TENM2: variants seen among roughly 807,000 people sequenced by gnomAD.
TENM2 encodes teneurin-2.
Under a neutral mutation model 245.2 loss-of-function variants are expected in TENM2, and 52 were observed. That is an observed-to-expected ratio of 0.21 (90% CI 0.17 to 0.27). TENM2 has a LOEUF of 0.27. TENM2 is among the 10% of genes least tolerant of loss of function. The pLI is 1.00. For missense variants in TENM2, 3,046 were observed against 3,666.8 expected (o/e 0.83, Z 4.37); for synonymous variants, 1,363 against 1,438.9 (o/e 0.95, Z 1.19).
At chr5:167,819,338 A>G (rs1286139731) in intron 2 of TENM2, among the ~76,000 whole-genome samples, 2 of 152,220 alleles carry the variant, frequency 1.3e-5, no homozygotes, top group African/African-American at 4.8e-5. Flanking sequence ...CACTTAAAAA[A>G]GAAAAAGAAA....
intron 5 of TENM2, among the ~76,000 whole-genome samples, chr5:168,001,476 G>A (rs990019739): frequency 3.3e-5 from 5 of 152,216 alleles, no homozygotes; most frequent in African/African-American, 4.8e-5. Flanking sequence ...TGTAAATGAG[G>A]ATGTACTAAG....
At chr5:167,012,717 C>A in the TENM2 span, among the ~76,000 whole-genome samples, 678 of 152,248 alleles carry the variant, frequency 4.5e-3, 8 homozygotes, top group African/African-American at 0.015. Flanking sequence ...GCTCCTCTTA[C>A]AAATTTGTGC....
intron 2 of TENM2, among the ~76,000 whole-genome samples, chr5:167,517,778 A>T (rs1444660601): frequency 6.6e-6 from 1 of 152,174 alleles, no homozygotes; most frequent in Admixed American, 6.5e-5. Flanking sequence ...GGCTGATACC[A>T]TTCAACCTAG....
At chr5:167,733,448 A>G (rs1760578676) in intron 2 of TENM2, among the ~76,000 whole-genome samples, 1 of 152,180 alleles carries the variant, frequency 6.6e-6, no homozygotes, top group African/African-American at 2.4e-5. Context: ...AAATACTAAC[A>G]ACTGGCTCCC....
chr5:168,236,041 A>G (rs569385295), intron 25 of TENM2, among the ~76,000 whole-genome samples: 1 of 152,286 alleles, frequency 6.6e-6, no homozygotes, highest in South Asian at 2.1e-4. Context: ...TGTATCCTGA[A>G]CAGAAGGAGA....
At chr5:167,063,437 A>G in the TENM2 span, among the ~76,000 whole-genome samples, 4 of 152,162 alleles carry the variant, frequency 2.6e-5, no homozygotes, top group African/African-American at 9.7e-5. Context: ...GGAGATTCCT[A>G]TTTAGTAGAC....
chr5:167,508,011 C>T (rs1195336528), intron 2 of TENM2, among the ~76,000 whole-genome samples: 2 of 152,026 alleles, frequency 1.3e-5, no homozygotes, highest in African/African-American at 4.8e-5. Context: ...CTCTGTGACT[C>T]AGCAGATAAA....
Position 167,804,745 on chromosome 5 carries a change from T to C in TENM2, c.503-71241T>C, listed in dbSNP as rs142186968. ...TTTATAACATCTCTAAACAAATGAATCACGGCATGGCGATCAAGGGACAGC... is the reference window on the plus strand; with the variant it reads ...TTTATAACATCTCTAAACAAATGAACCACGGCATGGCGATCAAGGGACAGC... On this transcript the variant is annotated intron_variant, in intron 2 of 28. Transcript: ENST00000518659. Among the ~76,000 whole-genome samples the C allele has an allele frequency of 1.0e-3, 157 of 152,150 alleles. No individual in the cohort carries two copies. In the East Asian group the frequency reaches 0.027, roughly 26 times the overall value.
chr5:167,078,674 C>A, the TENM2 span, among the ~76,000 whole-genome samples: 2 of 152,112 alleles, frequency 1.3e-5, no homozygotes, highest in Non-Finnish European at 2.9e-5. Context: ...GCTCCTCTGG[C>A]AAATAGAGTT....
intron 10 of TENM2, 33 bp downstream of exon 12, chr5:168,118,519 T>A: frequency 6.8e-7 from 1 of 1,465,754 alleles, no homozygotes; most frequent in Non-Finnish European, 9.2e-7. Flanking sequence ...TAGGCAGCAG[T>A]GGAGGGAGGC....
At chr5:167,654,479 A>G (rs759641301) in intron 2 of TENM2, among the ~76,000 whole-genome samples, 5 of 152,034 alleles carry the variant, frequency 3.3e-5, no homozygotes, top group Non-Finnish European at 5.9e-5. Context: ...TGGAGTAACT[A>G]CTCAATACGT....
chr5:167,247,094 T>C, the TENM2 span, among the ~76,000 whole-genome samples: 1 of 152,176 alleles, frequency 6.6e-6, no homozygotes, highest in Non-Finnish European at 1.5e-5. Flanking sequence ...TATTACATAT[T>C]AGGCTGCATG....
At chr5:167,174,380 G>A in the TENM2 span, among the ~76,000 whole-genome samples, 3 of 151,964 alleles carry the variant, frequency 2.0e-5, no homozygotes, top group Non-Finnish European at 4.4e-5. Flanking sequence ...GATTTGTTTT[G>A]GGGCTCTCTC....
chr5:167,797,094 G>C (rs577094864), intron 2 of TENM2, among the ~76,000 whole-genome samples: 1 of 152,240 alleles, frequency 6.6e-6, no homozygotes, highest in East Asian at 1.9e-4. Flanking sequence ...ATCTCTGCTT[G>C]TTAGTAATCT....
rs71853736 is a variant in TENM2 at position 167,900,111 on chromosome 5, T to TAAAAA, written c.712+23934_712+23938dup. Among the ~76,000 whole-genome samples the TAAAAA allele has an allele frequency of 1.9e-3, 82 of 43,456 alleles. 8 individuals are homozygous for TAAAAA. The highest frequency in any genetic ancestry group is 7.7e-3 in the African/African-American group (64 of 8,310). The allele number at this position is 43,456 out of a possible 152,430, so 28.5% of individuals were successfully genotyped here. A position where few individuals can be genotyped will look rare whatever the true frequency, so the allele number is the denominator to read the frequency against. ...CTTTCTGTCTGTGCCCTCAACCCAC[T>TAAAAA]AAAAAAAAAAAAAAAAAAAAAAGGG... On this transcript the variant is annotated intron_variant, in intron 3 of 28. Transcript: ENST00000518659.
intron 2 of TENM2, among the ~76,000 whole-genome samples, chr5:167,709,805 G>A (rs576881585): frequency 9.2e-5 from 14 of 152,264 alleles, no homozygotes; most frequent in South Asian, 2.1e-4. Flanking sequence ...AACCAAAAGC[G>A]AGAGTGAGAG....
chr5:166,979,861 C>T, the TENM2 span, among the ~76,000 whole-genome samples: 2 of 152,068 alleles, frequency 1.3e-5, no homozygotes, highest in South Asian at 2.1e-4. Flanking sequence ...TAATGTTCAT[C>T]GCAATTATAG....
chr5:167,542,378 G>A (rs1023286312), intron 2 of TENM2, among the ~76,000 whole-genome samples: 10 of 152,084 alleles, frequency 6.6e-5, no homozygotes, highest in Admixed American at 5.2e-4. Context: ...TCACCATCAG[G>A]TCTTTCCTTG....
At chr5:167,130,199 T>C in the TENM2 span, among the ~76,000 whole-genome samples, 3 of 152,210 alleles carry the variant, frequency 2.0e-5, no homozygotes, top group African/African-American at 7.2e-5. Context: ...AGAGTAACAC[T>C]ATGTAAAGAA....
Sources: gnomAD v4.1 joint callset for allele counts (sites outside exome capture counted in the v4.1 genomes callset) on GRCh38, gnomAD v4.1.1 for gene constraint, MANE v1.5 for transcripts, NCBI Gene and HGNC (gene_info 2026-07-23, HGNC 2026-07-21) for gene names.